The following SCHIP1 variants were observed in gnomAD, a reference collection of about 807,000 sequenced individuals.
SCHIP1 encodes schwannomin interacting protein 1, also known as schwannomin-interacting protein 1.
Under a neutral mutation model 29.7 loss-of-function variants are expected in SCHIP1, and 8 were observed. The ratio of observed to expected loss-of-function variants is 0.27; its 90% CI spans 0.16 to 0.49. The LOEUF (loss-of-function observed/expected upper bound fraction) is 0.49, where lower values mean the gene tolerates loss of function less well. Among genes scored for constraint, SCHIP1 ranks in the 20% least tolerant of loss-of-function variants. The pLI, the probability that SCHIP1 is intolerant of heterozygous loss-of-function variation, is 0.99. For missense variants in SCHIP1, 193 were observed against 294.6 expected (o/e 0.66, Z 2.52); for synonymous variants, 76 against 94.9 (o/e 0.80, Z 1.16).
At chr3:159,714,928 A>G in the SCHIP1 span, among the ~76,000 whole-genome samples, 1 of 152,214 alleles carries the variant, frequency 6.6e-6, no homozygotes, top group African/African-American at 2.4e-5. Flanking sequence ...GAAATCTGAG[A>G]ACGGACTGAC....
the SCHIP1 span, among the ~76,000 whole-genome samples, chr3:159,582,781 T>TACAC: frequency 0.037 from 3,311 of 88,356 alleles, 107 homozygotes; most frequent in African/African-American, 0.11. Context: ...AACTGAAATA[T>TACAC]ATATATACAC....
At chr3:159,519,744 T>C in the SCHIP1 span, among the ~76,000 whole-genome samples, 1 of 152,024 alleles carries the variant, frequency 6.6e-6, no homozygotes, top group African/African-American at 2.4e-5. Flanking sequence ...ATATGAGTCT[T>C]AAGATTGTAC....
At chr3:159,886,532 A>T (rs1716977331) in intron 3 of SCHIP1, 1 of 477,854 alleles carries the variant, frequency 2.1e-6, no homozygotes, top group South Asian at 2.9e-5. Flanking sequence ...AAAGTTAATA[A>T]CTATTTTCAT....
the SCHIP1 span, among the ~76,000 whole-genome samples, chr3:159,668,044 G>A: frequency 6.6e-6 from 1 of 152,194 alleles, no homozygotes; most frequent in African/African-American, 2.4e-5. Context: ...ACAGCCAAGG[G>A]CCTCACCCTG....
At chr3:159,291,106 C>CA in the SCHIP1 span, among the ~76,000 whole-genome samples, 1 of 151,700 alleles carries the variant, frequency 6.6e-6, no homozygotes, top group Non-Finnish European at 1.5e-5. Context: ...AGCTCTCAGG[C>CA]AAAAAATATA....
In SCHIP1 at chr3:159,886,410, C is replaced by T. The variant is rs539361145; in HGVS notation, c.267+86C>T. ...TTTCTGTTGTAAGGTGAATCAGGAA[C>T]AAACATTTCAGAGATTAAAGAAGAA... On this transcript the variant is annotated intron_variant, in intron 3 of 6. Transcript: ENST00000445224. 4.0e-6 allele frequency: 5 copies of T among 1,240,412 alleles called. No individual in the cohort carries two copies. In the South Asian group the frequency reaches 5.4e-5, roughly 13 times the overall value. The allele number at this position is 1,240,412 out of a possible 1,614,324, so 76.8% of individuals were successfully genotyped here.
the SCHIP1 span, among the ~76,000 whole-genome samples, chr3:159,557,972 A>G: frequency 1.3e-5 from 2 of 152,232 alleles, no homozygotes; most frequent in African/African-American, 4.8e-5. Flanking sequence ...GAAGGCTGTT[A>G]TGAAGGGAAT....
At chr3:159,323,963 T>C in the SCHIP1 span, among the ~76,000 whole-genome samples, 1 of 152,184 alleles carries the variant, frequency 6.6e-6, no homozygotes, top group Admixed American at 6.5e-5. Flanking sequence ...AACTGTCAGT[T>C]ATTAATCAAT....
At chr3:159,286,874 T>A in the SCHIP1 span, among the ~76,000 whole-genome samples, 1 of 152,226 alleles carries the variant, frequency 6.6e-6, no homozygotes, top group Non-Finnish European at 1.5e-5. Flanking sequence ...TGTCTTCTTT[T>A]GAAAAGTGTC....
the SCHIP1 span, among the ~76,000 whole-genome samples, chr3:159,392,942 G>C: frequency 6.6e-6 from 1 of 152,202 alleles, no homozygotes; most frequent in South Asian, 2.1e-4. Flanking sequence ...GTGTAAAAGT[G>C]TTCCTACCTC....
the SCHIP1 span, chr3:159,764,976 T>G: frequency 1.9e-5 from 29 of 1,500,960 alleles, no homozygotes; most frequent in Non-Finnish European, 2.3e-5. This position sits in a 1 kb window ranked among gnomAD's most constrained non-coding sequence, Gnocchi z 6.1. Flanking sequence ...GCCCGGCGGC[T>G]GGGGGGCTCT....
chr3:159,299,526 T>C, the SCHIP1 span, among the ~76,000 whole-genome samples: 1 of 152,300 alleles, frequency 6.6e-6, no homozygotes, highest in South Asian at 2.1e-4. Flanking sequence ...AGGCATTTAC[T>C]ACACCAAAAA....
chr3:159,864,338 C>T (rs539639953), intron 1 of SCHIP1, among the ~76,000 whole-genome samples: 1 of 152,032 alleles, frequency 6.6e-6, no homozygotes, highest in African/African-American at 2.4e-5. Context: ...CCTCCATAAC[C>T]TTATGGTTAC....
the SCHIP1 span, among the ~76,000 whole-genome samples, chr3:159,680,176 C>CA: frequency 6.6e-6 from 1 of 151,794 alleles, no homozygotes; most frequent in Non-Finnish European, 1.5e-5. Context: ...AATAGGCACG[C>CA]AAAAAATGTT....
At chr3:159,528,838 G>A in the SCHIP1 span, among the ~76,000 whole-genome samples, 1 of 152,102 alleles carries the variant, frequency 6.6e-6, no homozygotes, top group East Asian at 1.9e-4. Context: ...TAATTTGGTT[G>A]GCAGAAGAAG....
the SCHIP1 span, among the ~76,000 whole-genome samples, chr3:159,481,956 G>T: frequency 2.7e-4 from 41 of 152,230 alleles, no homozygotes; most frequent in South Asian, 3.1e-3. Context: ...TAGAATGGCA[G>T]TCAGGAAGCT....
chr3:159,558,181 A>G, the SCHIP1 span, among the ~76,000 whole-genome samples: 1 of 152,240 alleles, frequency 6.6e-6, no homozygotes, highest in East Asian at 1.9e-4. Context: ...CTCTTTCAAG[A>G]ATAAAACTGG....
the SCHIP1 span, among the ~76,000 whole-genome samples, chr3:159,474,174 C>T: frequency 6.6e-6 from 1 of 152,020 alleles, no homozygotes; most frequent in Non-Finnish European, 1.5e-5. Flanking sequence ...GATATGAGAC[C>T]AAAATATCCC....
At chr3:159,711,504 G>T in the SCHIP1 span, among the ~76,000 whole-genome samples, 1 of 150,512 alleles carries the variant, frequency 6.6e-6, no homozygotes, top group Non-Finnish European at 1.5e-5. Flanking sequence ...GAAGAGAAAT[G>T]GATGTCTGTT....
Sources: gnomAD v4.1 joint callset for allele counts (sites outside exome capture counted in the v4.1 genomes callset) on GRCh38, gnomAD v4.1.1 for gene constraint, Gnocchi (gnomAD v3.1) non-coding constraint, MANE v1.5 for transcripts, NCBI Gene and HGNC (gene_info 2026-07-23, HGNC 2026-07-21) for gene names.